Variants in EPC2 observed in about 807,000 individuals in gnomAD.
EPC2 encodes the protein enhancer of polycomb 2, also known as enhancer of polycomb homolog 2.
In EPC2, 14 loss-of-function variants were observed where a neutral mutation model predicts 92.1. The observed-to-expected ratio is 0.15, with a 90% CI of 0.10 to 0.24. EPC2 has a LOEUF of 0.24. Ranked by LOEUF, EPC2 falls within the 10% of genes least tolerant of loss-of-function variation. The pLI, the probability that EPC2 is intolerant of heterozygous loss-of-function variation, is 1.00. For missense variants in EPC2, 755 were observed against 971.5 expected (o/e 0.78, Z 2.96); for synonymous variants, 340 against 334.7 (o/e 1.02, Z -0.17).
intron 1 of EPC2, among the ~76,000 whole-genome samples, chr2:148,664,468 A>C (rs543999940): frequency 6.6e-6 from 1 of 152,356 alleles, no homozygotes; most frequent in Non-Finnish European, 1.5e-5. Flanking sequence ...GCTGTCCTCC[A>C]GCCAGGGCGA....
At chr2:148,673,559 T>G (rs1681197390) in intron 1 of EPC2, among the ~76,000 whole-genome samples, 1 of 152,162 alleles carries the variant, frequency 6.6e-6, no homozygotes, top group Non-Finnish European at 1.5e-5. Context: ...TGTCTTTATT[T>G]TCATTTTATA....
intron 4 of EPC2, 145 bp downstream of exon 4, chr2:148,754,278 T>G: frequency 1.4e-6 from 1 of 713,192 alleles, no homozygotes. Context: ...TTTCGTCTGA[T>G]CCGTGGTCAG....
At chr2:148,686,483 T>C (rs1220349002) in intron 1 of EPC2, among the ~76,000 whole-genome samples, 1 of 152,240 alleles carries the variant, frequency 6.6e-6, no homozygotes, top group African/African-American at 2.4e-5. Context: ...TTTTGACCTC[T>C]TTCTATGAAT....
intron 1 of EPC2, among the ~76,000 whole-genome samples, chr2:148,647,457 A>G (rs1480739471): frequency 1.3e-5 from 2 of 150,478 alleles, no homozygotes; most frequent in African/African-American, 2.4e-5. Context: ...ATAGGCGCCC[A>G]CTACCTCGCC....
chr2:148,671,933 T>C (rs1319496916), intron 1 of EPC2, among the ~76,000 whole-genome samples: 1 of 152,176 alleles, frequency 6.6e-6, no homozygotes, highest in Admixed American at 6.5e-5. Context: ...GTAGGTGAGT[T>C]AAATTCATTC....
chr2:148,656,333 CTTTA>C (rs1680798345), intron 1 of EPC2, among the ~76,000 whole-genome samples: 1 of 152,102 alleles, frequency 6.6e-6, no homozygotes, highest in Admixed American at 6.5e-5. Flanking sequence ...GTGCATAGGA[CTTTA>C]TTTATTGCAT....
intron 1 of EPC2, among the ~76,000 whole-genome samples, chr2:148,652,043 G>A (rs951549312): frequency 2.6e-5 from 4 of 152,122 alleles, no homozygotes; most frequent in African/African-American, 9.7e-5. Flanking sequence ...TAGCTTTACT[G>A]TTCTATCATT....
At chr2:148,735,528 T>C (rs1286932072) in intron 2 of EPC2, among the ~76,000 whole-genome samples, 2 of 151,954 alleles carry the variant, frequency 1.3e-5, no homozygotes, top group Admixed American at 6.6e-5. Flanking sequence ...TAAAAACTTT[T>C]ATGGAAAAAT....
chr2:148,726,743 T>G (rs1231959595), intron 2 of EPC2, among the ~76,000 whole-genome samples: 2 of 138,558 alleles, frequency 1.4e-5, no homozygotes, highest in Admixed American at 7.2e-5. Context: ...TGCTTTTGGG[T>G]TTTTTTTTTG....
chr2:148,706,266 A>G (rs1381608113), intron 2 of EPC2, among the ~76,000 whole-genome samples: 2 of 152,066 alleles, frequency 1.3e-5, no homozygotes, highest in African/African-American at 4.8e-5. Flanking sequence ...TTGAAGATCA[A>G]ATGAATGAAA....
rs879739457 is a variant in EPC2 at position 148,739,830 on chromosome 2, C to CTTTTTTTTTTTTTTTTTTTTTTTTTTTTT, written c.314-3790_314-3789insTTTTTTTTTTTTTTTTTTTTTTTTTTTTT. The stretch of plus-strand genomic sequence containing the variant: ...TCTTTCTTCCTTTTCTTTTCTTCTT[C>CTTTTTTTTTTTTTTTTTTTTTTTTTTTTT]TTCTTTTTTTTTTTTTTTTTTTTTT... On this transcript the variant is annotated intron_variant, in intron 2 of 13. Coordinates refer to ENST00000258484, the MANE Select transcript of EPC2 (RefSeq NM_015630.4). Among the ~76,000 whole-genome samples the CTTTTTTTTTTTTTTTTTTTTTTTTTTTTT allele has an allele frequency of 2.1e-5, 2 of 96,706 alleles. 1 individual carries two copies. Among genetic ancestry groups the CTTTTTTTTTTTTTTTTTTTTTTTTTTTTT allele is most frequent in the East Asian group, 7.8e-4 (2 of 2,560 alleles). The allele number at this position is 96,706 out of a possible 152,430, so 63.4% of individuals were successfully genotyped here.
chr2:148,729,031 CAAAAAAAAAAAAAAAAAA>C (rs376309552), intron 2 of EPC2, among the ~76,000 whole-genome samples: 1 of 63,648 alleles, frequency 1.6e-5, no homozygotes, highest in Non-Finnish European at 2.8e-5. Context: ...AACTCCATCT[CAAAAAAAAAAAAAAAAAA>C]AAAAAAAAGC....
intron 1 of EPC2, among the ~76,000 whole-genome samples, chr2:148,689,885 C>T (rs777531790): frequency 4.6e-5 from 7 of 152,056 alleles, no homozygotes; most frequent in Non-Finnish European, 1.0e-4. Context: ...TTTCTTTCAT[C>T]TGGTAGTGGT....
chr2:148,680,311 C>T (rs1375378495), intron 1 of EPC2, among the ~76,000 whole-genome samples: 1 of 152,196 alleles, frequency 6.6e-6, no homozygotes, highest in Non-Finnish European at 1.5e-5. Context: ...AACATGATTG[C>T]ATACTTCATT....
At chr2:148,781,858 A>G (rs1574641038) in intron 11 of EPC2, 78 bp downstream of exon 11, 2 of 1,546,526 alleles carry the variant, frequency 1.3e-6, no homozygotes, top group East Asian at 2.3e-5. Flanking sequence ...GTCAAGTCAC[A>G]GAAGATAATC....
At chr2:148,753,025 G>GT (rs1683108514) in intron 3 of EPC2, among the ~76,000 whole-genome samples, 1 of 152,170 alleles carries the variant, frequency 6.6e-6, no homozygotes, top group Non-Finnish European at 1.5e-5. Flanking sequence ...AGACTTCCCA[G>GT]CCCTAAAGTG....
intron 3 of EPC2, among the ~76,000 whole-genome samples, chr2:148,744,981 A>G (rs1219153393): frequency 1.2e-5 from 1 of 85,254 alleles, no homozygotes; most frequent in Non-Finnish European, 2.9e-5. Context: ...TATTTAGCCT[A>G]TCAGTTTGCC....
chr2:148,753,785 A>C, intron 3 of EPC2, 142 bp from the exon 4 acceptor site: 1 of 627,204 alleles, frequency 1.6e-6, no homozygotes, highest in Non-Finnish European at 2.7e-6. Context: ...CATTAGGTTG[A>C]ATTGAATTGT....
At chr2:148,749,632 G>A (rs1334083327) in intron 3 of EPC2, among the ~76,000 whole-genome samples, 1 of 151,940 alleles carries the variant, frequency 6.6e-6, no homozygotes, top group Non-Finnish European at 1.5e-5. Context: ...ATGGGAGAGG[G>A]TGCCTCTTGT....
Sources: allele counts gnomAD v4.1 joint callset (sites outside exome capture counted in the v4.1 genomes callset), GRCh38; gene constraint gnomAD v4.1.1; transcripts MANE v1.5; gene names NCBI Gene and HGNC (gene_info 2026-07-23, HGNC 2026-07-21).